MIPOL1: variants seen among roughly 807,000 people sequenced by gnomAD.
MIPOL1 encodes mirror-image polydactyly gene 1 protein.
MIPOL1 carries 57 observed loss-of-function variants against 60.9 expected under a neutral mutation model. The observed-to-expected ratio is 0.94, with a 90% confidence interval of 0.76 to 1.17. The LOEUF (loss-of-function observed/expected upper bound fraction) is 1.17, where lower values mean the gene tolerates loss of function less well. Ranked by LOEUF, MIPOL1 falls within the 50% of genes most tolerant of loss-of-function variation. The pLI, the probability that MIPOL1 is intolerant of heterozygous loss-of-function variation, is 0.00. For missense variants in MIPOL1, 551 were observed against 511.6 expected, an observed-to-expected ratio of 1.08 and a Z score of -0.74; for synonymous variants, 179 against 168.8, an observed-to-expected ratio of 1.06 and a Z score of -0.47.
At chr14:37,348,698 C>T (rs2091119886) in intron 9 of MIPOL1, among the ~76,000 whole-genome samples, 1 of 151,954 alleles carries the variant, frequency 6.6e-6, no homozygotes, top group Non-Finnish European at 1.5e-5. Flanking sequence ...CTTATTACCT[C>T]CACTTCTACC....
intron 10 of MIPOL1, among the ~76,000 whole-genome samples, chr14:37,421,116 A>G (rs2093865851): frequency 6.6e-6 from 1 of 152,154 alleles, no homozygotes; most frequent in Non-Finnish European, 1.5e-5. Context: ...TACCTTAAGC[A>G]TGGGAATTTA....
intron 12 of MIPOL1, chr14:37,503,417 C>G (rs1337213826): frequency 6.6e-6 from 1 of 152,160 alleles, no homozygotes. Flanking sequence ...TCGGCAGAAA[C>G]CCTACAAGCC....
At chr14:37,421,960 C>A (rs2093880131) in intron 10 of MIPOL1, among the ~76,000 whole-genome samples, 1 of 151,960 alleles carries the variant, frequency 6.6e-6, no homozygotes, top group South Asian at 2.1e-4. Flanking sequence ...TTTGTGACAA[C>A]AATTTGCTCT....
intron 12 of MIPOL1, among the ~76,000 whole-genome samples, chr14:37,516,674 G>GC (rs1424504769): frequency 3.3e-5 from 5 of 152,000 alleles, no homozygotes; most frequent in Admixed American, 6.6e-5. Context: ...TACTTTATTT[G>GC]CTATGACTTT....
At chr14:37,326,119 A>G (rs1411593251) in intron 9 of MIPOL1, among the ~76,000 whole-genome samples, 3 of 152,168 alleles carry the variant, frequency 2.0e-5, no homozygotes, top group African/African-American at 7.2e-5. Context: ...ATAAAAAAAC[A>G]TTGTATAATA....
chr14:37,341,327 A>G (rs2090556992), intron 9 of MIPOL1, among the ~76,000 whole-genome samples: 1 of 152,192 alleles, frequency 6.6e-6, no homozygotes, highest in South Asian at 2.1e-4. Context: ...CAGTATGCCT[A>G]TAGCTATTTT....
intron 9 of MIPOL1, among the ~76,000 whole-genome samples, chr14:37,350,635 G>T (rs78100307): frequency 0.029 from 4,339 of 152,076 alleles, 71 homozygotes; most frequent in African/African-American, 0.037. Flanking sequence ...ATTGATTATA[G>T]TTACCCTATT....
At chr14:37,225,596 A>G (rs1969577381) in intron 1 of MIPOL1, among the ~76,000 whole-genome samples, 1 of 152,130 alleles carries the variant, frequency 6.6e-6, no homozygotes, top group Admixed American at 6.5e-5. Context: ...CACACAGCAC[A>G]GGACCCCTGT....
chr14:37,333,872 TG>T (rs2153456344), intron 9 of MIPOL1, among the ~76,000 whole-genome samples: 2 of 152,180 alleles, frequency 1.3e-5, no homozygotes, highest in Admixed American at 1.3e-4. Context: ...AATCACCTGT[TG>T]ACAACTATAG....
At chr14:37,249,418 T>C (rs918333405) in intron 3 of MIPOL1, among the ~76,000 whole-genome samples, 2 of 152,094 alleles carry the variant, frequency 1.3e-5, no homozygotes, top group Admixed American at 6.6e-5. Context: ...TATAGAAAGA[T>C]CTGAGTGCCT....
chr14:37,272,098 ATATT>A (rs1255737010), intron 6 of MIPOL1, among the ~76,000 whole-genome samples: 2 of 151,556 alleles, frequency 1.3e-5, no homozygotes, highest in African/African-American at 4.8e-5. Context: ...TAATAACAAA[ATATT>A]ATATTAATAA....
intron 9 of MIPOL1, among the ~76,000 whole-genome samples, chr14:37,334,114 A>C (rs2089938855): frequency 6.6e-6 from 1 of 152,090 alleles, no homozygotes; most frequent in Admixed American, 6.5e-5. Context: ...TTTAGAAAAA[A>C]TATAATAACT....
At chr14:37,327,231 GAAAAT>G (rs2153451235) in intron 9 of MIPOL1, among the ~76,000 whole-genome samples, 1 of 152,192 alleles carries the variant, frequency 6.6e-6, no homozygotes, top group South Asian at 2.1e-4. Flanking sequence ...ATCCAGGTAA[GAAAAT>G]GAAATGGATT....
At chr14:37,465,687 C>T (rs2094589603) in intron 11 of MIPOL1, among the ~76,000 whole-genome samples, 1 of 152,014 alleles carries the variant, frequency 6.6e-6, no homozygotes. Context: ...TAATTTGTGA[C>T]TTTCTACAAT....
chr14:37,415,750 C>T (rs1262235988), intron 10 of MIPOL1, among the ~76,000 whole-genome samples: 1 of 152,064 alleles, frequency 6.6e-6, no homozygotes, highest in Non-Finnish European at 1.5e-5. Flanking sequence ...CCTTGCTCCA[C>T]CATTCATTAA....
chr14:37,299,929 T>C (rs1440248702), intron 7 of MIPOL1, among the ~76,000 whole-genome samples: 1 of 152,064 alleles, frequency 6.6e-6, no homozygotes, highest in Non-Finnish European at 1.5e-5. Flanking sequence ...CTTGATAGTT[T>C]TGAGGCATAT....
chr14:37,246,298 G>C (rs1336896015), intron 1 of MIPOL1, among the ~76,000 whole-genome samples: 2 of 152,104 alleles, frequency 1.3e-5, no homozygotes, highest in African/African-American at 4.8e-5. Context: ...TTCATTAAAA[G>C]TGTAGAAATC....
At chr14:37,212,384 G>A (rs1363166658) in intron 1 of MIPOL1, 1 of 152,148 alleles carries the variant, frequency 6.6e-6, no homozygotes, top group Non-Finnish European at 1.5e-5. Context: ...AAGCATTCAT[G>A]ACAAGCTAAC....
chr14:37,417,868 T>C (rs2153545552), intron 10 of MIPOL1, among the ~76,000 whole-genome samples: 1 of 152,308 alleles, frequency 6.6e-6, no homozygotes, highest in South Asian at 2.1e-4. Context: ...AAGCAATGTT[T>C]TCTGGATACT....
Sources: allele counts gnomAD v4.1 joint callset (sites outside exome capture counted in the v4.1 genomes callset), GRCh38; gene constraint gnomAD v4.1.1; transcripts MANE v1.5; gene names NCBI Gene and HGNC (gene_info 2026-07-23, HGNC 2026-07-21).